PDZD9: variants seen among roughly 807,000 people sequenced by gnomAD.
The protein encoded by PDZD9 is PDZ domain containing 9, also known as PDZ domain-containing protein 9.
In PDZD9, 13 loss-of-function variants were observed where a neutral mutation model predicts 16.3. The observed-to-expected ratio is 0.80, with a 90% confidence interval of 0.52 to 1.27. The LOEUF is 1.27. PDZD9 is among the 50% of genes most tolerant of loss of function. The probability of loss-of-function intolerance (pLI) is 0.00; values close to 1 mark genes in which losing one functional copy is unlikely to be tolerated. For synonymous variants in PDZD9, 120 were observed against 111.0 expected (o/e 1.08, Z -0.51); for missense variants, 288 against 310.9 (o/e 0.93, Z 0.55).
At chr16:21,989,219 C>A (rs1433097880) in intron 2 of PDZD9, among the ~76,000 whole-genome samples, 1 of 152,026 alleles carries the variant, frequency 6.6e-6, no homozygotes, top group Admixed American at 6.6e-5. Flanking sequence ...AGGCATGAGC[C>A]ACCGTACCCG....
chr16:21,995,785 T>C (rs1223801922), intron 2 of PDZD9, among the ~76,000 whole-genome samples: 1 of 151,920 alleles, frequency 6.6e-6, no homozygotes, highest in Non-Finnish European at 1.5e-5. Context: ...TGTATTTATT[T>C]TATTTATTTA....
In PDZD9 at chr16:21,984,480, A is replaced by G; in HGVS notation, c.582T>C (p.His194=). ...RDWHGYKKKN[H]TISVGKDINC... ...TAATGTCTTTTCCTACACTAATAGTATGGTTCTTCTTCTTATATCCATGCC... is the reference window on the plus strand; with the variant it reads ...TAATGTCTTTTCCTACACTAATAGTGTGGTTCTTCTTCTTATATCCATGCC... The change falls in exon 4 of 4, where the codon CAT becomes CAC. Residue 194 remains histidine (H), a synonymous_variant. Coordinates refer to ENST00000424898, the MANE Select transcript of PDZD9 (RefSeq NM_001363519.1). The G allele has an allele frequency of 2.5e-6, 4 of 1,612,372 alleles. No individual in the cohort carries two copies. The highest frequency in any genetic ancestry group is 2.2e-5 in the South Asian group (2 of 91,040).
At position 21,987,318 on chromosome 16, in the gene PDZD9, G is replaced by A. The variant is rs1324084364; in HGVS notation, c.401+1284C>T. On this transcript the variant is annotated intron_variant, in intron 3 of 3. Transcript: ENST00000424898. ...GCCTGTAATCCCAGCTACCCTGGAGGCTGAGGCAGGAGAATCACTTGAACC... is the reference window on the plus strand; with the variant it reads ...GCCTGTAATCCCAGCTACCCTGGAGACTGAGGCAGGAGAATCACTTGAACC... Among the ~76,000 whole-genome samples the A allele has an allele frequency of 2.0e-5, 3 of 152,180 alleles. No individual in the cohort carries two copies. In the East Asian group the frequency reaches 5.8e-4, roughly 29 times the overall value.
the PDZD9 span, among the ~76,000 whole-genome samples, chr16:21,964,557 GTTA>G: frequency 6.6e-6 from 1 of 152,028 alleles, no homozygotes; most frequent in Non-Finnish European, 1.5e-5. Flanking sequence ...TCAAATTATT[GTTA>G]TACTTTATGC....
At chr16:21,969,341 C>T in the PDZD9 span, among the ~76,000 whole-genome samples, 1 of 152,092 alleles carries the variant, frequency 6.6e-6, no homozygotes, top group Non-Finnish European at 1.5e-5. Context: ...CAAGACCAGC[C>T]TAGCCAACAT....
chr16:21,997,011 C>G (rs1401625686), intron 1 of PDZD9, among the ~76,000 whole-genome samples: 1 of 151,958 alleles, frequency 6.6e-6, no homozygotes, highest in Non-Finnish European at 1.5e-5. Flanking sequence ...TTTGTAGAGA[C>G]AGGGTCTCAC....
the PDZD9 span, among the ~76,000 whole-genome samples, chr16:21,974,220 T>C: frequency 3.9e-5 from 6 of 152,186 alleles, no homozygotes; most frequent in Admixed American, 2.0e-4. Flanking sequence ...ACAAGTTGCA[T>C]TGAGTTGGCT....
chr16:21,966,726 C>G, the PDZD9 span, among the ~76,000 whole-genome samples: 1 of 152,142 alleles, frequency 6.6e-6, no homozygotes, highest in Non-Finnish European at 1.5e-5. Context: ...AGACTGGACT[C>G]TAATGAGTTT....
At chr16:21,969,767 T>C in the PDZD9 span, among the ~76,000 whole-genome samples, 1 of 152,186 alleles carries the variant, frequency 6.6e-6, no homozygotes, top group Non-Finnish European at 1.5e-5. Context: ...CACTACCTAA[T>C]TTCAGGGTGT....
the PDZD9 span, among the ~76,000 whole-genome samples, chr16:21,967,011 CT>C: frequency 6.6e-6 from 1 of 151,814 alleles, no homozygotes; most frequent in Non-Finnish European, 1.5e-5. Context: ...CAAAAGGTCC[CT>C]TTTTTTTAAT....
intron 1 of PDZD9, among the ~76,000 whole-genome samples, chr16:22,000,730 A>C (rs1899273533): frequency 1.3e-5 from 2 of 152,028 alleles, no homozygotes; most frequent in Non-Finnish European, 2.9e-5. Context: ...AGGCTAAGGC[A>C]GAGGAATCAC....
chr16:21,980,255 A>G (rs1034853893), downstream of PDZD9: 7 of 311,200 alleles, frequency 2.2e-5, no homozygotes, highest in Non-Finnish European at 3.7e-5. Flanking sequence ...GGAGCTCTCC[A>G]GCTGTCTCAC....
At chr16:21,977,231 G>A in the PDZD9 span, among the ~76,000 whole-genome samples, 1 of 152,072 alleles carries the variant, frequency 6.6e-6, no homozygotes, top group Non-Finnish European at 1.5e-5. Flanking sequence ...GTGTGTGCCT[G>A]TAGCCTCAGC....
chr16:21,968,514 A>G, the PDZD9 span: 2 of 851,300 alleles, frequency 2.3e-6, no homozygotes, highest in South Asian at 2.4e-5. Context: ...AGTTCATTAC[A>G]GCAACTTATA....
At position 21,984,236 on chromosome 16, in the gene PDZD9, C is replaced by T; in HGVS notation, c.*31G>A. The T allele has an allele frequency of 1.3e-6, 2 of 1,572,954 alleles. No individual in the cohort carries two copies. The highest frequency in any genetic ancestry group is 2.3e-5 in the East Asian group (1 of 44,420). On this transcript the variant is annotated 3_prime_UTR_variant, in exon 4 of 4. Coordinates refer to ENST00000424898, the MANE Select transcript of PDZD9 (RefSeq NM_001363519.1). ...GTGAGGCACAAAACTTGGGTGTCTG[C>T]AAGATAAATGCTCATATGACCACAG...
At chr16:21,989,846 G>A (rs1898979644) in intron 2 of PDZD9, among the ~76,000 whole-genome samples, 1 of 152,218 alleles carries the variant, frequency 6.6e-6, no homozygotes, top group East Asian at 1.9e-4. Context: ...CAAATTGAAG[G>A]AAGCTAAAAA....
At chr16:21,962,965 C>G in the PDZD9 span, 22 of 1,481,246 alleles carry the variant, frequency 1.5e-5, no homozygotes, top group Admixed American at 3.7e-4. Context: ...AAAAAAATTG[C>G]TGTCAAAATT....
the PDZD9 span, chr16:21,972,106 C>A: frequency 6.2e-7 from 1 of 1,613,690 alleles, no homozygotes. Context: ...GCCAAGGCAA[C>A]TCAGCAGCCA....
At chr16:21,958,443 T>A in the PDZD9 span, 1 of 1,136,660 alleles carries the variant, frequency 8.8e-7, no homozygotes, top group East Asian at 2.4e-5. Context: ...AAATTCTTTT[T>A]AAATCTGCTC....
Sources: allele counts gnomAD v4.1 joint callset (sites outside exome capture counted in the v4.1 genomes callset), GRCh38; gene constraint gnomAD v4.1.1; transcripts MANE v1.5; gene names NCBI Gene and HGNC (gene_info 2026-07-23, HGNC 2026-07-21).